Variants in SLC4A5 observed in about 807,000 individuals in gnomAD.
SLC4A5 encodes electrogenic sodium bicarbonate cotransporter 4.
Under a neutral mutation model 120.4 loss-of-function variants are expected in SLC4A5, and 96 were observed. The observed-to-expected ratio is 0.80, with a 90% CI of 0.68 to 0.94. The LOEUF (loss-of-function observed/expected upper bound fraction) is 0.94, where lower values mean the gene tolerates loss of function less well. Ranked by LOEUF, SLC4A5 falls within the 40% of genes least tolerant of loss-of-function variation. The pLI, the probability that SLC4A5 is intolerant of heterozygous loss-of-function variation, is 0.00. For synonymous variants in SLC4A5, 550 were observed against 571.1 expected (o/e 0.96, Z 0.53); for missense variants, 1,259 against 1,459.5 (o/e 0.86, Z 2.24).
chr2:74,323,148 G>A (rs1673135988), intron 5 of SLC4A5, among the ~76,000 whole-genome samples: 1 of 152,122 alleles, frequency 6.6e-6, no homozygotes, highest in East Asian at 1.9e-4. Context: ...GCTGAGACAC[G>A]ACAATCATTT....
chr2:74,238,579 A>C (rs1670341830), intron 21 of SLC4A5, among the ~76,000 whole-genome samples: 1 of 151,926 alleles, frequency 6.6e-6, no homozygotes, highest in Non-Finnish European at 1.5e-5. Context: ...GGAATATTTG[A>C]TATATGGCAA....
intron 7 of SLC4A5, among the ~76,000 whole-genome samples, chr2:74,288,351 C>T (rs1381421083): frequency 2.6e-5 from 4 of 152,120 alleles, no homozygotes; most frequent in Admixed American, 2.6e-4. Context: ...AATTCACAAC[C>T]CCTGCCCTCA....
rs138054183 is a variant in SLC4A5 at position 74,262,144 on chromosome 2, T to A, written c.804A>T (p.Gly268=). ...GGCAGAGCACACACTCACACAGACGTCCGTAATTTGCACTCTGCCGCATCC... is the reference window on the plus strand; with the variant it reads ...GGCAGAGCACACACTCACACAGACGACCGTAATTTGCACTCTGCCGCATCC... Residue 268 remains glycine, a synonymous_variant, in exon 11 of 31, where the codon GGA becomes GGT. Coordinates refer to ENST00000394019, the Ensembl canonical transcript of SLC4A5. 5.0e-5 allele frequency: 81 copies of A among 1,613,416 alleles called. No individual in the cohort carries two copies. In the African/African-American group the frequency reaches 9.6e-4, roughly 19 times the overall value.
intron 12 of SLC4A5, among the ~76,000 whole-genome samples, chr2:74,257,995 G>T (rs1288326175): frequency 6.6e-6 from 1 of 152,262 alleles, no homozygotes; most frequent in Non-Finnish European, 1.5e-5. Flanking sequence ...AGAAATGGGA[G>T]CATGCTAGTG....
Position 74,318,327 on chromosome 2 carries a change from A to G in SLC4A5, c.-2-3302T>C, listed in dbSNP as rs370773653. 4.5e-4 allele frequency among the ~76,000 whole-genome samples: 68 copies of G among 152,340 alleles called. 1 individual carries two copies. The South Asian group carries it at 0.013, about 30-fold the overall frequency. ...TAAAAAATGCTCAATATTGCTAATC[A>G]TCAGAGAAATGCAAATTAAAACCAC... On this transcript the variant is annotated intron_variant, in intron 5 of 30. Coordinates refer to ENST00000394019, the Ensembl canonical transcript of SLC4A5.
At chr2:74,287,271 C>T (rs987415674) in intron 7 of SLC4A5, among the ~76,000 whole-genome samples, 5 of 152,164 alleles carry the variant, frequency 3.3e-5, no homozygotes, top group Non-Finnish European at 5.9e-5. Flanking sequence ...AATTCACTGG[C>T]CCAGTCTCCT....
At position 74,255,833 on chromosome 2, in the gene SLC4A5, C is replaced by A; in HGVS notation, c.967G>T (p.Val323Leu). ...AGCATGGCCGACTGGATGAGGCGCA[C>A]GAACGCGATGAATGGCTGGTCTAGG... The change falls in exon 13 of 31, where the codon GTG (valine) becomes TTG (leucine). Residue 323 changes from valine to leucine, a missense_variant. Val to Leu is a conservative substitution (Grantham distance 32, BLOSUM62 1). Transcript: ENST00000394019. This position sits in a 1 kb window ranked among gnomAD's most constrained non-coding sequence, Gnocchi z 4.0. The A allele has an allele frequency of 6.2e-7, 1 of 1,614,138 alleles. No homozygotes were observed. Among genetic ancestry groups the A allele is most frequent in the South Asian group, 1.1e-5 (1 of 91,084 alleles).
At chr2:74,285,839 G>A (rs1454748107) in exon 8 of SLC4A5, 1 of 1,612,824 alleles carries the variant, frequency 6.2e-7, no homozygotes, top group East Asian at 2.2e-5. Flanking sequence ...TGTAAAGAGG[G>A]TGGGGTTGGG....
rs542372780 is a variant in SLC4A5 at position 74,261,901 on chromosome 2, C to T, written c.811+236G>A. Among the ~76,000 whole-genome samples the T allele has an allele frequency of 4.6e-5, 7 of 152,324 alleles. No individual in the cohort carries two copies. In the South Asian group the frequency reaches 1.5e-3, roughly 32 times the overall value. ...AGAATATGGGAGTGGGTATTGATTA[C>T]ACCAGGATGTGACTGACAGCCTCAT... On this transcript the variant is annotated intron_variant, in intron 11 of 30. Transcript: ENST00000394019.
chr2:74,304,458 C>G, intron 7 of SLC4A5, 31 bp downstream of exon 7: 1 of 1,575,578 alleles, frequency 6.3e-7, no homozygotes. Flanking sequence ...AGCAGGATGG[C>G]TCCCCAGAAT....
chr2:74,328,250 A>G (rs1046605957), intron 4 of SLC4A5, 64 bp from the exon 5 acceptor site: 2 of 956,666 alleles, frequency 2.1e-6, no homozygotes, highest in Non-Finnish European at 1.2e-6. Context: ...GGCATTGGAG[A>G]TTGACTTCTG....
chr2:74,264,244 C>T, exon 10 of SLC4A5: 1 of 1,614,256 alleles, frequency 6.2e-7, no homozygotes, highest in South Asian at 1.1e-5. Context: ...AACTGACCCT[C>T]TCCCGGAGCT....
At chr2:74,284,162 C>CTTTTTTTTTTTTTTT (rs1182761794) in intron 8 of SLC4A5, among the ~76,000 whole-genome samples, 4 of 81,106 alleles carry the variant, frequency 4.9e-5, no homozygotes, top group African/African-American at 1.5e-4. Flanking sequence ...TTCCTTATTT[C>CTTTTTTTTTTTTTTT]TTTTTTTTTT....
chr2:74,327,019 AAGGACACAT>A (rs1673233521), intron 5 of SLC4A5, among the ~76,000 whole-genome samples: 1 of 152,200 alleles, frequency 6.6e-6, no homozygotes, highest in Non-Finnish European at 1.5e-5. Flanking sequence ...CCCTATCCAC[AAGGACACAT>A]CAATTCAATC....
intron 19 of SLC4A5, among the ~76,000 whole-genome samples, chr2:74,244,488 CT>C (rs1189169703): frequency 8.5e-6 from 1 of 118,220 alleles, no homozygotes. Context: ...CTTCTCCTTT[CT>C]CTCTCCCTTC....
chr2:74,318,724 G>A (rs1413944190), intron 5 of SLC4A5, among the ~76,000 whole-genome samples: 1 of 151,638 alleles, frequency 6.6e-6, no homozygotes, highest in African/African-American at 2.4e-5. Context: ...AGATGTTGGC[G>A]AGGCCGCAGA....
chr2:74,254,765 G>T (rs570781124), intron 13 of SLC4A5, 59 bp from the exon 14 acceptor site: 3 of 1,285,810 alleles, frequency 2.3e-6, no homozygotes, highest in East Asian at 4.6e-5. Flanking sequence ...ATGAAAGTGA[G>T]AAGGAAAAAC....
intron 7 of SLC4A5, among the ~76,000 whole-genome samples, chr2:74,293,037 C>T (rs1672221738): frequency 6.7e-6 from 1 of 148,234 alleles, no homozygotes; most frequent in African/African-American, 2.5e-5. Flanking sequence ...AAGAGAGGAG[C>T]CAAGAACAAG....
chr2:74,235,731 T>G (rs372692592), intron 21 of SLC4A5, among the ~76,000 whole-genome samples: 2 of 152,322 alleles, frequency 1.3e-5, no homozygotes, highest in African/African-American at 4.8e-5. Context: ...TCAGACCTTT[T>G]GTCCACCAAG....
Sources: gnomAD v4.1 joint callset for allele counts (sites outside exome capture counted in the v4.1 genomes callset) on GRCh38, gnomAD v4.1.1 for gene constraint, Gnocchi (gnomAD v3.1) non-coding constraint, MANE v1.5 for transcripts, NCBI Gene and HGNC (gene_info 2026-07-23, HGNC 2026-07-21) for gene names.